The following KDM3B variants were observed in gnomAD, a reference collection of about 807,000 sequenced individuals.
KDM3B encodes the protein lysine-specific demethylase 3B.
KDM3B carries 10 observed loss-of-function variants against 170.0 expected under a neutral mutation model. That is an observed-to-expected ratio of 0.06 (90% CI 0.04 to 0.10). The LOEUF is 0.10. Among genes scored for constraint, KDM3B ranks in the 10% least tolerant of loss-of-function variants. KDM3B has a pLI of 1.00. For missense variants in KDM3B, 1,394 were observed against 2,195.2 expected, an observed-to-expected ratio of 0.64 and a Z score of 7.29; for synonymous variants, 831 against 834.8, an observed-to-expected ratio of 1.00 and a Z score of 0.08.
chr5:138,389,780 CTCTGTG>C (rs1762378217), intron 7 of KDM3B, among the ~76,000 whole-genome samples: 3 of 120,352 alleles, frequency 2.5e-5, no homozygotes, highest in African/African-American at 9.8e-5. Context: ...CTCTCTCTCT[CTCTGTG>C]TGTGTGTGTG....
intron 6 of KDM3B, chr5:138,381,835 G>T: frequency 2.3e-6 from 1 of 426,626 alleles, no homozygotes. Flanking sequence ...GTGCAAGGCT[G>T]GTTTCTTCCT....
intron 11 of KDM3B, among the ~76,000 whole-genome samples, chr5:138,410,980 G>A (rs1423300238): frequency 1.3e-5 from 2 of 152,222 alleles, no homozygotes; most frequent in African/African-American, 2.4e-5. Context: ...ACAGGGAGAC[G>A]GTTAGGCCTC....
chr5:138,377,762 G>T lies in KDM3B; in HGVS notation c.517G>T (p.Ala173Ser), dbSNP rs1444753444. Reference sequence around the variant, plus strand: ...AAACCAGATTCTTTTGGAACATGCTGCACTGAGAGAAACAGTTAATGCTTT... The same window carrying T: ...AAACCAGATTCTTTTGGAACATGCTTCACTGAGAGAAACAGTTAATGCTTT... ...SQNQILLEHA[A>S]LRETVNALIS... is the part of the protein sequence containing the mutation. Residue 173 changes from alanine (A) to serine (S), a missense_variant, in exon 4 of 24, where the codon GCA (alanine) becomes TCA (serine). Transcript: ENST00000314358. 1 of 1,613,828 alleles carries T rather than the reference G, an allele frequency of 6.2e-7. No individual in the cohort carries two copies. Among genetic ancestry groups the T allele is most frequent in the African/African-American group, 1.3e-5 (1 of 74,882 alleles).
intron 11 of KDM3B, among the ~76,000 whole-genome samples, chr5:138,400,926 A>G (rs1762669822): frequency 6.7e-6 from 1 of 149,450 alleles, no homozygotes; most frequent in African/African-American, 2.5e-5. Context: ...ATGCTAGTTT[A>G]ACAAGTAGTC....
chr5:138,365,955 G>A (rs1375360554), intron 1 of KDM3B, among the ~76,000 whole-genome samples: 4 of 152,098 alleles, frequency 2.6e-5, no homozygotes, highest in Non-Finnish European at 2.9e-5. Context: ...CCTAGATCGC[G>A]TCATTGTACT....
At chr5:138,389,445 T>C (rs1762367463) in intron 7 of KDM3B, among the ~76,000 whole-genome samples, 1 of 152,228 alleles carries the variant, frequency 6.6e-6, no homozygotes, top group African/African-American at 2.4e-5. Context: ...TCACTTTTTT[T>C]TTAATTGTAG....
intron 11 of KDM3B, among the ~76,000 whole-genome samples, chr5:138,410,471 A>G (rs1221326572): frequency 1.3e-5 from 2 of 152,164 alleles, no homozygotes; most frequent in South Asian, 4.1e-4. Context: ...TACTGGAACA[A>G]TTGTATATCC....
At chr5:138,385,528 G>C (rs1762236259) in intron 6 of KDM3B, among the ~76,000 whole-genome samples, 1 of 152,240 alleles carries the variant, frequency 6.6e-6, no homozygotes, top group African/African-American at 2.4e-5. Context: ...ACTGTGCCCA[G>C]CCCAGGTTCA....
At chr5:138,392,598 T>C (rs1482629173) in intron 8 of KDM3B, among the ~76,000 whole-genome samples, 3 of 152,194 alleles carry the variant, frequency 2.0e-5, no homozygotes, top group African/African-American at 7.2e-5. Context: ...TCCTCTTTAC[T>C]TCAGAGGGGT....
intron 1 of KDM3B, among the ~76,000 whole-genome samples, chr5:138,364,760 C>A (rs1224412459): frequency 6.6e-6 from 1 of 152,132 alleles, no homozygotes; most frequent in Non-Finnish European, 1.5e-5. Flanking sequence ...AAGTGAGGCT[C>A]AAAGAGGCTG....
chr5:138,394,448 G>A (rs1366040959), intron 9 of KDM3B, among the ~76,000 whole-genome samples: 2 of 152,150 alleles, frequency 1.3e-5, no homozygotes, highest in African/African-American at 4.8e-5. Flanking sequence ...GAGGATTGAA[G>A]TGTGAGGATG....
chr5:138,408,713 A>G (rs1762887601), intron 11 of KDM3B, among the ~76,000 whole-genome samples: 1 of 152,218 alleles, frequency 6.6e-6, no homozygotes, highest in Non-Finnish European at 1.5e-5. Context: ...TATAAAAAGA[A>G]TAATACATCA....
chr5:138,424,652 T>A (rs1264204734), intron 16 of KDM3B, among the ~76,000 whole-genome samples: 1 of 152,072 alleles, frequency 6.6e-6, no homozygotes, highest in Non-Finnish European at 1.5e-5. Flanking sequence ...TGGTGGTGGG[T>A]GCCTGTAATC....
rs1181929299 is a variant in KDM3B, at chr5:138,429,864, G to A, written c.4792G>A (p.Val1598Met). 1 of 1,614,206 alleles carries A rather than the reference G, an allele frequency of 6.2e-7. No individual in the cohort carries two copies. The highest frequency in any genetic ancestry group is 8.5e-7 in the Non-Finnish European group (1 of 1,180,020). ...KTIDEGDADE[V>M]TKQRIHDGKE... The stretch of plus-strand genomic sequence containing the variant: ...AATTGACGAGGGAGATGCCGATGAG[G>A]TGACGAAGCAGAGGATTCATGATGG... Residue 1598 changes from valine to methionine, a missense_variant, in exon 21 of 24, where the codon GTG becomes ATG. By Grantham distance (21) the Val-to-Met change is conservative. Transcript: ENST00000314358.
chr5:138,408,551 A>G lies in KDM3B; in HGVS notation c.3200-6581A>G, dbSNP rs371609158. ...AGTCTTTCAGAAAATGGGAGGAAGC[A>G]CTTACCAGCTCGTTTTATGAAGCCA... On this transcript the variant is annotated intron_variant, in intron 11 of 23. Coordinates refer to ENST00000314358, the MANE Select transcript of KDM3B (RefSeq NM_016604.4). Among the ~76,000 whole-genome samples, 54 of 152,284 alleles carry G rather than the reference A, an allele frequency of 3.5e-4. No individual in the cohort carries two copies. In the South Asian group the frequency reaches 9.5e-3, roughly 27 times the overall value.
chr5:138,386,263 A>G lies in KDM3B; in HGVS notation c.1022A>G (p.Gln341Arg). Residue 341 changes from glutamine to arginine, a missense_variant, in exon 7 of 24, where the codon CAG (glutamine) becomes CGG (arginine). Coordinates refer to ENST00000314358, the MANE Select transcript of KDM3B (RefSeq NM_016604.4). ...CCAGGGCTGGATCAGAGAGCCAAGC[A>G]GCCACCGTCTACATTTGTCCCCCAG... is the stretch of plus-strand genomic sequence containing the variant. ...GEPGLDQRAK[Q>R]PPSTFVPQIN... 3 of 1,614,210 alleles carry G rather than the reference A, an allele frequency of 1.9e-6. No individual in the cohort carries two copies. In the South Asian group the frequency reaches 3.3e-5, roughly 18 times the overall value.
At chr5:138,428,595 A>C (rs1763453976) in intron 20 of KDM3B, among the ~76,000 whole-genome samples, 1 of 152,120 alleles carries the variant, frequency 6.6e-6, no homozygotes. Flanking sequence ...GGATGTTGCT[A>C]GATAAAGGGG....
At position 138,412,348 on chromosome 5, in the gene KDM3B, A is replaced by G. The variant is rs1015651756; in HGVS notation, c.3200-2784A>G. 3.3e-5 allele frequency among the ~76,000 whole-genome samples: 5 copies of G among 151,218 alleles called. No homozygotes were observed. The South Asian group carries it at 1.0e-3, about 32-fold the overall frequency. On this transcript the variant is annotated intron_variant, in intron 11 of 23. Transcript: ENST00000314358. ...GAGACCCCGTCTCCAAAAAAAAAAG[A>G]CATGTTTAAGAAAATGAAAATAGCC...
At chr5:138,382,052 G>A (rs1316902161) in intron 6 of KDM3B, among the ~76,000 whole-genome samples, 1 of 151,738 alleles carries the variant, frequency 6.6e-6, no homozygotes, top group Non-Finnish European at 1.5e-5. Context: ...CTGGTACCTA[G>A]TTCAGTGCTC....
Sources: allele counts gnomAD v4.1 joint callset (sites outside exome capture counted in the v4.1 genomes callset), GRCh38; gene constraint gnomAD v4.1.1; transcripts MANE v1.5; gene names NCBI Gene and HGNC (gene_info 2026-07-23, HGNC 2026-07-21).